Variants in NNT observed in about 807,000 individuals in gnomAD.
NNT encodes the protein NAD(P) transhydrogenase, mitochondrial.
In NNT, 50 loss-of-function variants were observed where a neutral mutation model predicts 104.8. That is an observed-to-expected ratio of 0.48 (90% CI 0.38 to 0.60). The LOEUF is 0.60. Ranked by LOEUF, NNT falls within the 20% of genes least tolerant of loss-of-function variation. NNT has a pLI of 0.00. For missense variants in NNT, 1,131 were observed against 1,330.7 expected, an observed-to-expected ratio of 0.85 and a Z score of 2.33; for synonymous variants, 461 against 490.4, an observed-to-expected ratio of 0.94 and a Z score of 0.79.
rs374000752 is a variant in NNT at position 43,702,692 on chromosome 5, A to G, written c.3067A>G (p.Ile1023Val). The change falls in exon 21 of 22, where the codon ATT (isoleucine) becomes GTT (valine). Residue 1023 changes from isoleucine (I) to valine (V), a missense_variant. Physicochemically the swap from Ile to Val is conservative, Grantham distance 29 (BLOSUM62 3). Coordinates refer to ENST00000344920, the MANE Select transcript of NNT (RefSeq NM_182977.3). ...AGCAGCTCAAGAAGATCCCAACTCT[A>G]TTATTGCAGGCATGCCAGTCCTTGA... Reference protein sequence around the residue: ...NSAAQEDPNSIIAGMPVLEVW... With the variant: ...NSAAQEDPNSVIAGMPVLEVW... The G allele has an allele frequency of 6.2e-7, 1 of 1,612,906 alleles. No homozygotes were observed. The highest frequency in any genetic ancestry group is 2.2e-5 in the East Asian group (1 of 44,854).
chr5:43,660,872 G>A (rs1241388839), intron 17 of NNT, among the ~76,000 whole-genome samples: 2 of 152,078 alleles, frequency 1.3e-5, no homozygotes, highest in African/African-American at 4.8e-5. Context: ...ATTACAATTC[G>A]ACATGAGATT....
intron 21 of NNT, 113 bp downstream of exon 21, chr5:43,702,849 G>A: frequency 1.4e-6 from 1 of 703,944 alleles, no homozygotes; most frequent in South Asian, 2.2e-5. Flanking sequence ...AGGAGGCCAG[G>A]AGTAAGAGCA....
At chr5:43,645,031 C>T (rs985502704) in intron 9 of NNT, among the ~76,000 whole-genome samples, 1 of 152,014 alleles carries the variant, frequency 6.6e-6, no homozygotes, top group African/African-American at 2.4e-5. Context: ...TTTTGAAAAA[C>T]GGAGATGAAC....
intron 6 of NNT, among the ~76,000 whole-genome samples, chr5:43,624,883 T>G (rs1475859820): frequency 6.6e-6 from 1 of 152,200 alleles, no homozygotes; most frequent in Non-Finnish European, 1.5e-5. Context: ...ACTGTTAATC[T>G]TGAACATAGA....
At chr5:43,617,809 A>G (rs149143740) in intron 4 of NNT, among the ~76,000 whole-genome samples, 68 of 152,336 alleles carry the variant, frequency 4.5e-4, no homozygotes, top group African/African-American at 1.6e-3. Context: ...GCCCATTAAA[A>G]ATTGCTGTCA....
intron 7 of NNT, 85 bp downstream of exon 7, chr5:43,628,472 T>A: frequency 9.6e-7 from 1 of 1,039,644 alleles, no homozygotes; most frequent in Non-Finnish European, 1.4e-6. Context: ...TTGCTTAACA[T>A]TTGAATTTCT....
Position 43,659,297 on chromosome 5 carries a change from G to A in NNT, c.2581G>A (p.Val861Met), listed in dbSNP as rs569938220. The change falls in exon 17 of 22, where the codon GTG (valine) becomes ATG (methionine). Residue 861 changes from valine (V) to methionine (M), a missense_variant. By Grantham distance (21) the Val-to-Met change is conservative. Transcript: ENST00000344920. ...GCTCAACAACAATCTGCTGACCATC[G>A]TGGGTGCACTCATAGGCTCGTCTGG... ...FLLNNNLLTI[V>M]GALIGSSGAI... 7 of 1,613,980 alleles carry A rather than the reference G, an allele frequency of 4.3e-6. No homozygotes were observed. Among genetic ancestry groups the A allele is most frequent in the Middle Eastern group, 1.7e-4 (1 of 5,976 alleles).
At chr5:43,622,067 G>A (rs1750125775) in intron 5 of NNT, among the ~76,000 whole-genome samples, 2 of 152,202 alleles carry the variant, frequency 1.3e-5, no homozygotes, top group African/African-American at 4.8e-5. Flanking sequence ...AAAAAATCAT[G>A]TGGCTGTTCT....
intron 16 of NNT, among the ~76,000 whole-genome samples, chr5:43,657,521 TTATC>T (rs960201852): frequency 1.3e-5 from 2 of 152,160 alleles, no homozygotes; most frequent in Admixed American, 1.3e-4. Context: ...GTTAAAAAAA[TTATC>T]TACAGTAACT....
chr5:43,668,361 A>T (rs1470454927), intron 17 of NNT, among the ~76,000 whole-genome samples: 1 of 151,590 alleles, frequency 6.6e-6, no homozygotes, highest in Non-Finnish European at 1.5e-5. Context: ...TGCCATGCCT[A>T]TGTCCTGAAT....
chr5:43,653,856 G>A (rs887688585), intron 14 of NNT, among the ~76,000 whole-genome samples: 1 of 151,894 alleles, frequency 6.6e-6, no homozygotes, highest in Non-Finnish European at 1.5e-5. Context: ...TTGGGTGGCT[G>A]AAGCATGATA....
chr5:43,664,382 T>G (rs1353017586), intron 17 of NNT, among the ~76,000 whole-genome samples: 2 of 152,208 alleles, frequency 1.3e-5, no homozygotes, highest in Non-Finnish European at 2.9e-5. Flanking sequence ...TAGAACAGAA[T>G]GAAGTGGATC....
chr5:43,670,895 C>T (rs1194440188), intron 17 of NNT, among the ~76,000 whole-genome samples: 3 of 152,194 alleles, frequency 2.0e-5, no homozygotes, highest in Admixed American at 1.3e-4. Flanking sequence ...TTAAAGTCTT[C>T]CGTTATTATT....
chr5:43,615,890 G>A lies in NNT; in HGVS notation c.424G>A (p.Ala142Thr), dbSNP rs770376778. 5.0e-6 allele frequency: 8 copies of A among 1,614,152 alleles called. No homozygotes were observed. Among genetic ancestry groups the A allele is most frequent in the Non-Finnish European group, 6.8e-6 (8 of 1,180,026 alleles). The part of the protein sequence containing the change: ...MVNPTLGVHE[A>T]DLLKTSGTLI... ...TAATCCAACATTAGGTGTTCATGAA[G>A]CTGACCTTTTAAAGACATCAGGAAC... is the stretch of plus-strand genomic sequence containing the variant. Residue 142 changes from alanine to threonine, a missense_variant, in exon 4 of 22, where the codon GCT (alanine) becomes ACT (threonine). Ala to Thr is a moderately conservative substitution (Grantham distance 58). Transcript: ENST00000344920.
chr5:43,673,176 C>T (rs1006030787), intron 17 of NNT, among the ~76,000 whole-genome samples: 1 of 152,192 alleles, frequency 6.6e-6, no homozygotes, highest in African/African-American at 2.4e-5. Context: ...TCCGGGTGCC[C>T]TCCATCACCG....
chr5:43,700,174 G>T lies in NNT; in HGVS notation c.2932G>T (p.Ala978Ser). The change falls in exon 20 of 22, where the codon GCT becomes TCT. Residue 978 changes from alanine (A) to serine (S), a missense_variant. Physicochemically the swap from Ala to Ser is moderately conservative, Grantham distance 99. Transcript: ENST00000344920. ...GCCTGGTCAGCTTAATGTGCTGCTG[G>T]CTGAGGCTGGTGTGCCATATGACAT... ...RMPGQLNVLL[A>S]EAGVPYDIVL... 1 of 1,613,780 alleles carries T rather than the reference G, an allele frequency of 6.2e-7. No homozygotes were observed. Among genetic ancestry groups the T allele is most frequent in the Non-Finnish European group, 8.5e-7 (1 of 1,179,812 alleles).
intron 7 of NNT, among the ~76,000 whole-genome samples, chr5:43,638,210 T>C (rs1407174589): frequency 6.6e-6 from 1 of 152,180 alleles, no homozygotes; most frequent in Non-Finnish European, 1.5e-5. Flanking sequence ...TCCCCAGCCT[T>C]GCAGAACTGT....
chr5:43,671,354 A>G (rs1741073257), intron 17 of NNT, among the ~76,000 whole-genome samples: 2 of 152,148 alleles, frequency 1.3e-5, no homozygotes, highest in South Asian at 4.1e-4. Context: ...TTTGCTCGTT[A>G]GTTGATGCAG....
At chr5:43,663,281 A>G (rs1740467336) in intron 17 of NNT, among the ~76,000 whole-genome samples, 1 of 152,176 alleles carries the variant, frequency 6.6e-6, no homozygotes. Context: ...AAGTGCAATT[A>G]CATGGTCAAA....
Sources: allele counts gnomAD v4.1 joint callset (sites outside exome capture counted in the v4.1 genomes callset), GRCh38; gene constraint gnomAD v4.1.1; transcripts MANE v1.5; gene names NCBI Gene and HGNC (gene_info 2026-07-23, HGNC 2026-07-21).